A2ML1: variants seen among roughly 807,000 people sequenced by gnomAD.
A2ML1 encodes the protein alpha-2-macroglobulin-like protein 1.
In A2ML1, 161 loss-of-function variants were observed where a neutral mutation model predicts 181.9. The ratio of observed to expected loss-of-function variants is 0.89; its 90% CI spans 0.78 to 1.01. The LOEUF (loss-of-function observed/expected upper bound fraction) is 1.01. Among genes scored for constraint, A2ML1 ranks in the 50% least tolerant of loss-of-function variants. The probability of loss-of-function intolerance (pLI) is 0.00; values close to 1 mark genes in which losing one functional copy is unlikely to be tolerated. For missense variants in A2ML1, 1,670 were observed against 1,768.1 expected (o/e 0.94, Z 1.00); for synonymous variants, 663 against 666.8 (o/e 0.99, Z 0.09).
chr12:8,835,987 TG>T (rs763884898), intron 6 of A2ML1, among the ~76,000 whole-genome samples: 3 of 120,746 alleles, frequency 2.5e-5, no homozygotes, highest in Non-Finnish European at 4.8e-5. Flanking sequence ...CACTCCAGCC[TG>T]GGTGACAGAG....
chr12:8,874,510 A>G lies in A2ML1; in HGVS notation c.4307A>G (p.Tyr1436Cys), dbSNP rs1944738150. The G allele has an allele frequency of 4.3e-6, 7 of 1,613,716 alleles. No individual in the cohort carries two copies. The highest frequency in any genetic ancestry group is 5.1e-6 in the Non-Finnish European group (6 of 1,179,728). Residue 1436 changes from tyrosine to cysteine, a missense_variant, in exon 34 of 36, where the codon TAT (tyrosine) becomes TGT (cysteine). Transcript: ENST00000299698. ...TNLKPATIKVYDYYLPDEQAT... is the reference protein window; with the variant it reads ...TNLKPATIKVCDYYLPDEQAT... Reference sequence around the variant, plus strand: ...TTGAAACCAGCAACCATCAAGGTCTATGACTACTACCTACCAGGTGAGAGG... The same window carrying G: ...TTGAAACCAGCAACCATCAAGGTCTGTGACTACTACCTACCAGGTGAGAGG...
At chr12:8,873,145 G>T (rs1164580698) in intron 33 of A2ML1, among the ~76,000 whole-genome samples, 1 of 152,054 alleles carries the variant, frequency 6.6e-6, no homozygotes, top group East Asian at 1.9e-4. Context: ...AGTAGGGGAG[G>T]TCCCTCGACC....
chr12:8,878,265 C>T (rs746143831), downstream of A2ML1, among the ~76,000 whole-genome samples: 261 of 152,206 alleles, frequency 1.7e-3, 3 homozygotes, highest in African/African-American at 6.0e-3. The surrounding 1 kb of genome is among the most constrained non-coding windows in gnomAD (Gnocchi z 4.4). Flanking sequence ...ATCATGCCAT[C>T]GCACTTCAGC....
At chr12:8,861,330 T>C in intron 28 of A2ML1, 33 bp downstream of exon 28, 5 of 1,610,544 alleles carry the variant, frequency 3.1e-6, no homozygotes, top group Non-Finnish European at 4.2e-6. Context: ...TCTTTGAAAT[T>C]GTGAACATAA....
At chr12:8,833,723 G>A (rs765175725) in intron 4 of A2ML1, among the ~76,000 whole-genome samples, 2 of 152,046 alleles carry the variant, frequency 1.3e-5, no homozygotes, top group Non-Finnish European at 2.9e-5. Context: ...GTTTTGTTTT[G>A]TTTTGACTTT....
intron 14 of A2ML1, among the ~76,000 whole-genome samples, chr12:8,846,608 C>T (rs55928080): frequency 0.19 from 28,995 of 151,796 alleles, 3,356 homozygotes; most frequent in African/African-American, 0.3. Context: ...TCACCTGATG[C>T]TAGGAGTTCA....
chr12:8,834,386 G>A (rs1409201926), intron 4 of A2ML1, among the ~76,000 whole-genome samples: 1 of 152,118 alleles, frequency 6.6e-6, no homozygotes, highest in Admixed American at 6.5e-5. Flanking sequence ...ACTGAGACTG[G>A]TCTGACGCTC....
Position 8,874,965 on chromosome 12 carries a change from T to C in A2ML1, c.4325-6T>C, listed in dbSNP as rs767777174. ...AAGTAATAATATGACTTATTTCATT[T>C]CACAGATGAACAGGCAACAATTCAG... is the stretch of plus-strand genomic sequence containing the variant. On this transcript the variant is annotated splice_region_variant and splice_polypyrimidine_tract_variant and intron_variant, in intron 34 of 35. Transcript: ENST00000299698. 1 of 1,614,054 alleles carries C rather than the reference T, an allele frequency of 6.2e-7. No homozygotes were observed. Among genetic ancestry groups the C allele is most frequent in the East Asian group, 2.2e-5 (1 of 44,888 alleles).
chr12:8,828,992 T>G (rs1232413268), intron 3 of A2ML1, among the ~76,000 whole-genome samples: 1 of 152,206 alleles, frequency 6.6e-6, no homozygotes, highest in African/African-American at 2.4e-5. Flanking sequence ...TCATCGATTC[T>G]GTCTCTGTAC....
intron 21 of A2ML1, 85 bp downstream of exon 21, chr12:8,854,334 A>C: frequency 6.7e-7 from 1 of 1,492,590 alleles, no homozygotes; most frequent in Non-Finnish European, 8.9e-7. Context: ...TCTCACAGCA[A>C]CCATACTCCA....
At chr12:8,858,668 T>C (rs960142982) in intron 26 of A2ML1, among the ~76,000 whole-genome samples, 3 of 152,154 alleles carry the variant, frequency 2.0e-5, no homozygotes, top group African/African-American at 4.8e-5. Flanking sequence ...ACATGGGAAC[T>C]TGTTGGAAAC....
At position 8,834,694 on chromosome 12, in the gene A2ML1, T is replaced by A. The variant is rs987835752; in HGVS notation, c.483+12T>A. Reference sequence around the variant, plus strand: ...TGGTGGAACTACAGGTAAGCGGAAGTTTCTTTCTCTTCTCTGTCAGTTGTG... The same window carrying A: ...TGGTGGAACTACAGGTAAGCGGAAGATTCTTTCTCTTCTCTGTCAGTTGTG... On this transcript the variant is annotated intron_variant, in intron 5 of 35. Transcript: ENST00000299698. 6.2e-7 allele frequency: 1 copy of A among 1,614,158 alleles called. No individual in the cohort carries two copies. The highest frequency in any genetic ancestry group is 8.5e-7 in the Non-Finnish European group (1 of 1,180,002).
chr12:8,883,587 C>T (rs1944890436), intron 7 of A2ML1, among the ~76,000 whole-genome samples: 1 of 151,872 alleles, frequency 6.6e-6, no homozygotes, highest in Admixed American at 6.6e-5. Context: ...AAGAGATTCT[C>T]CTGCCTCAGC....
intron 23 of A2ML1, among the ~76,000 whole-genome samples, chr12:8,855,996 G>A (rs770645107): frequency 2.0e-5 from 3 of 152,164 alleles, no homozygotes; most frequent in Non-Finnish European, 4.4e-5. Flanking sequence ...GGAGGAAGTG[G>A]GTTGAAAAGC....
intron 3 of A2ML1, among the ~76,000 whole-genome samples, chr12:8,824,225 T>G (rs1942849128): frequency 9.6e-6 from 1 of 104,456 alleles, no homozygotes; most frequent in Non-Finnish European, 2.0e-5. Flanking sequence ...TACTGGGGTT[T>G]TTTTTTTTTT....
At chr12:8,885,107 A>G (rs1944909404) in intron 7 of A2ML1, among the ~76,000 whole-genome samples, 1 of 152,010 alleles carries the variant, frequency 6.6e-6, no homozygotes, top group Non-Finnish European at 1.5e-5. Flanking sequence ...AGATTTTCAG[A>G]CTTGCAAAAA....
intron 4 of A2ML1, 22 bp downstream of exon 4, chr12:8,829,801 G>C: frequency 6.2e-7 from 1 of 1,613,860 alleles, no homozygotes; most frequent in Non-Finnish European, 8.5e-7. Flanking sequence ...GGAGGAGAAG[G>C]AGTGGCGCAG....
chr12:8,855,401 C>T (rs775947961), intron 22 of A2ML1, 108 bp from the exon 23 acceptor site: 14 of 948,752 alleles, frequency 1.5e-5, no homozygotes, highest in African/African-American at 6.5e-5. Context: ...GAGAAAGCAC[C>T]GAGTACAGAA....
Position 8,850,164 on chromosome 12 carries a change from C to A in A2ML1, c.2124C>A (p.Gly708=). 1 of 1,602,404 alleles carries A rather than the reference C, an allele frequency of 6.2e-7. No homozygotes were observed. Among genetic ancestry groups the A allele is most frequent in the Non-Finnish European group, 8.5e-7 (1 of 1,176,614 alleles). The part of the protein sequence containing the change: ...SPEYSTAMGA[G]GGHPEAFESS... ...TCGTATTCTCAATTTCATCAGCAGG[C>A]GGTGGTCATCCAGAGGCTTTTGAGT... is the stretch of plus-strand genomic sequence containing the variant. Residue 708 remains glycine (G), a synonymous_variant, in exon 18 of 36, where the codon GGC becomes GGA. Transcript: ENST00000299698.
Sources: allele counts gnomAD v4.1 joint callset (sites outside exome capture counted in the v4.1 genomes callset), GRCh38; gene constraint gnomAD v4.1.1; non-coding constraint Gnocchi (gnomAD v3.1); transcripts MANE v1.5; gene names NCBI Gene and HGNC (gene_info 2026-07-23, HGNC 2026-07-21).